Variants in ABI3BP observed in about 807,000 individuals in gnomAD.
The protein encoded by ABI3BP is ABI family member 3 binding protein.
Under a neutral mutation model 268.6 loss-of-function variants are expected in ABI3BP, and 216 were observed. The observed-to-expected ratio is 0.80, with a 90% CI of 0.72 to 0.90. The LOEUF (loss-of-function observed/expected upper bound fraction) is 0.90. ABI3BP is among the 40% of genes least tolerant of loss of function. The pLI, the probability that ABI3BP is intolerant of heterozygous loss-of-function variation, is 0.00. For missense variants in ABI3BP, 2,090 were observed against 2,182.4 expected, an observed-to-expected ratio of 0.96 and a Z score of 0.84; for synonymous variants, 730 against 730.0, an observed-to-expected ratio of 1.00 and a Z score of 0.00.
At chr3:100,931,256 G>C (rs937340805) in intron 1 of ABI3BP, among the ~76,000 whole-genome samples, 3 of 152,046 alleles carry the variant, frequency 2.0e-5, no homozygotes, top group Non-Finnish European at 4.4e-5. Context: ...ACATTCAAAA[G>C]CTGGAAGCAT....
chr3:100,756,679 G>A (rs2095634816), intron 63 of ABI3BP, among the ~76,000 whole-genome samples: 1 of 151,786 alleles, frequency 6.6e-6, no homozygotes, highest in Non-Finnish European at 1.5e-5. Flanking sequence ...CTTTGGCCAA[G>A]TCTGATTGCT....
intron 2 of ABI3BP, among the ~76,000 whole-genome samples, chr3:100,909,797 G>A (rs1026992597): frequency 1.3e-5 from 2 of 152,166 alleles, no homozygotes; most frequent in African/African-American, 4.8e-5. Context: ...TGGAGAAATA[G>A]GAACACTTTT....
intron 55 of ABI3BP, among the ~76,000 whole-genome samples, chr3:100,790,232 C>T (rs1463063972): frequency 1.3e-5 from 2 of 151,950 alleles, no homozygotes; most frequent in African/African-American, 4.8e-5. Context: ...TGTATGCAGG[C>T]AAACTTGTGA....
At chr3:100,915,522 C>G (rs968764571) in intron 2 of ABI3BP, among the ~76,000 whole-genome samples, 1 of 152,060 alleles carries the variant, frequency 6.6e-6, no homozygotes, top group Admixed American at 6.6e-5. Flanking sequence ...TAGAAGGCAG[C>G]CAAGCAGCAG....
At chr3:100,831,064 AAC>A (rs543470984) in intron 31 of ABI3BP, among the ~76,000 whole-genome samples, 1 of 152,194 alleles carries the variant, frequency 6.6e-6, no homozygotes, top group South Asian at 2.1e-4. Context: ...TTTGAAAGCA[AAC>A]ACAGTGTAGC....
At chr3:100,918,662 G>A (rs1583350856) in intron 2 of ABI3BP, among the ~76,000 whole-genome samples, 1 of 151,974 alleles carries the variant, frequency 6.6e-6, no homozygotes, top group Non-Finnish European at 1.5e-5. Context: ...TGGTGGTGGT[G>A]GAGGAAGGGG....
At chr3:100,812,892 T>A (rs73152482) in intron 45 of ABI3BP, among the ~76,000 whole-genome samples, 5 of 152,172 alleles carry the variant, frequency 3.3e-5, no homozygotes, top group South Asian at 4.1e-4. Context: ...CATCCATTTT[T>A]TTTTCCCCAG....
intron 1 of ABI3BP, among the ~76,000 whole-genome samples, chr3:100,980,312 G>T (rs977488205): frequency 1.3e-5 from 2 of 151,898 alleles, no homozygotes; most frequent in Non-Finnish European, 2.9e-5. Context: ...CTCACTGCAA[G>T]GTCTGCCTCC....
intron 6 of ABI3BP, among the ~76,000 whole-genome samples, chr3:100,877,938 T>C (rs2099179268): frequency 6.6e-6 from 1 of 152,200 alleles, no homozygotes; most frequent in South Asian, 2.1e-4. Context: ...AGGGACAATA[T>C]ACCAGGCTTA....
chr3:100,945,704 A>T, intron 1 of ABI3BP: 2 of 429,404 alleles, frequency 4.7e-6, no homozygotes, highest in Non-Finnish European at 9.2e-6. Flanking sequence ...AATATATTAC[A>T]TTTTATTTAT....
chr3:100,879,309 G>C (rs1046123249), intron 6 of ABI3BP, among the ~76,000 whole-genome samples: 11 of 152,282 alleles, frequency 7.2e-5, no homozygotes, highest in African/African-American at 2.6e-4. Context: ...TATTTTTCTA[G>C]GTACCAATAA....
Position 100,898,952 on chromosome 3 carries a change from T to C in ABI3BP, c.329-58A>G, listed in dbSNP as rs141588387. On this transcript the variant is annotated intron_variant, in intron 3 of 67. Coordinates refer to ENST00000471714, the MANE Select transcript of ABI3BP (RefSeq NM_001375547.2). ...GAGACATTTAGTAAGTTGCCATGAT[T>C]CGGGTAAAATGCATTAAAGATGACT... 4,811 of 1,509,412 alleles carry C rather than the reference T, an allele frequency of 3.2e-3. 6 individuals carry two copies. The highest frequency in any genetic ancestry group is 4.9e-3 in the Middle Eastern group (28 of 5,742). The allele number at this position is 1,509,412 out of a possible 1,614,324, so 93.5% of individuals were successfully genotyped here.
At chr3:100,889,330 C>T (rs1458849180) in intron 4 of ABI3BP, among the ~76,000 whole-genome samples, 1 of 152,102 alleles carries the variant, frequency 6.6e-6, no homozygotes. Context: ...TTTCTGACTC[C>T]TAATCTAATG....
At chr3:100,864,786 G>C (rs371128898) in intron 11 of ABI3BP, 47 bp downstream of exon 11, 1 of 1,407,510 alleles carries the variant, frequency 7.1e-7, no homozygotes. Context: ...GAGTTATTTC[G>C]TTGTTACTTT....
At chr3:100,944,322 A>G (rs542418908) in intron 1 of ABI3BP, among the ~76,000 whole-genome samples, 5 of 152,266 alleles carry the variant, frequency 3.3e-5, no homozygotes, top group African/African-American at 1.2e-4. Flanking sequence ...TAATTTTCCA[A>G]AAGGACTCAT....
chr3:100,956,398 A>T (rs569346825), intron 1 of ABI3BP, among the ~76,000 whole-genome samples: 53 of 152,106 alleles, frequency 3.5e-4, no homozygotes, highest in Non-Finnish European at 6.0e-4. Flanking sequence ...TCTCACCAGT[A>T]GGTTGTGCAC....
In ABI3BP at chr3:100,898,768, T is replaced by C. The variant is rs746055611; in HGVS notation, c.455A>G (p.Asn152Ser). 19 of 1,613,080 alleles carry C rather than the reference T, an allele frequency of 1.2e-5. No homozygotes were observed. In the East Asian group the frequency reaches 2.5e-4, roughly 21 times the overall value. The change falls in exon 4 of 68, where the codon AAT becomes AGT. Residue 152 changes from asparagine (N) to serine (S), a missense_variant. By Grantham distance (46) the Asn-to-Ser change is conservative. Coordinates refer to ENST00000471714, the MANE Select transcript of ABI3BP (RefSeq NM_001375547.2). Reference protein sequence around the residue: ...HDWTLPSHCPNDRFYTIRYRE... With the variant: ...HDWTLPSHCPSDRFYTIRYRE... ...AAGCAAATGCTAATATTACCTGTCA[T>C]TGGGACAGTGACTTGGCAATGTCCA...
intron 14 of ABI3BP, among the ~76,000 whole-genome samples, chr3:100,861,270 TG>T (rs1161247707): frequency 6.6e-6 from 1 of 152,216 alleles, no homozygotes; most frequent in East Asian, 1.9e-4. Flanking sequence ...TGCAGATATC[TG>T]AGCCCATTAC....
intron 51 of ABI3BP, among the ~76,000 whole-genome samples, chr3:100,803,335 T>C (rs76475742): frequency 1.2e-4 from 17 of 145,132 alleles, no homozygotes; most frequent in Admixed American, 2.1e-4. Context: ...TTTTTTTTTT[T>C]CTGCCAAAAG....
Sources: allele counts gnomAD v4.1 joint callset (sites outside exome capture counted in the v4.1 genomes callset), GRCh38; gene constraint gnomAD v4.1.1; transcripts MANE v1.5; gene names NCBI Gene and HGNC (gene_info 2026-07-23, HGNC 2026-07-21).